The following PRC1 variants were observed in gnomAD, a reference collection of about 807,000 sequenced individuals.
PRC1 encodes protein regulator of cytokinesis 1, also known as anaphase spindle elongation 1 homolog.
PRC1 carries 54 observed loss-of-function variants against 91.2 expected under a neutral mutation model. That is an observed-to-expected ratio of 0.59 (90% CI 0.48 to 0.74). PRC1 has a LOEUF of 0.74. Ranked by LOEUF, PRC1 falls within the 30% of genes least tolerant of loss-of-function variation. The pLI is 0.00. For missense variants in PRC1, 727 were observed against 746.2 expected, an observed-to-expected ratio of 0.97 and a Z score of 0.30; for synonymous variants, 275 against 263.6, an observed-to-expected ratio of 1.04 and a Z score of -0.42.
chr15:90,991,023 C>T (rs1442105191), intron 1 of PRC1, among the ~76,000 whole-genome samples: 2 of 151,816 alleles, frequency 1.3e-5, no homozygotes, highest in Non-Finnish European at 2.9e-5. Flanking sequence ...GTGATCCGAC[C>T]GCCTCGGCCT....
intron 8 of PRC1, 83 bp from the exon 9 acceptor site, chr15:90,976,854 G>C: frequency 8.2e-7 from 1 of 1,220,684 alleles, no homozygotes; most frequent in South Asian, 1.3e-5. Flanking sequence ...GTTCTCGCCA[G>C]GCGTGGTGAC....
intron 11 of PRC1, among the ~76,000 whole-genome samples, chr15:90,972,193 A>T (rs1417344893): frequency 1.4e-5 from 2 of 146,536 alleles, no homozygotes; most frequent in Non-Finnish European, 3.0e-5. Context: ...CTCAAAAAAA[A>T]AAAAAAAAAA....
Position 90,974,448 on chromosome 15 carries a change from C to T in PRC1, c.1350+137G>A, listed in dbSNP as rs2038483154. ...TCCCCGGCTCCCCGTTCCACAAGCC[C>T]CGGTCCCCGGCTTCCCGTTCCACAA... On this transcript the variant is annotated intron_variant, in intron 10 of 14. Transcript: ENST00000394249. The surrounding 1 kb of genome is among the most constrained non-coding windows in gnomAD (Gnocchi z 4.6). 7.4e-7 allele frequency: 1 copy of T among 1,343,304 alleles called. No homozygotes were observed. The highest frequency in any genetic ancestry group is 2.0e-5 in the Admixed American group (1 of 49,906). 83.2% of individuals were successfully genotyped at this position (1,343,304 alleles called of 1,614,324 possible).
intron 3 of PRC1, 195 bp from the exon 4 acceptor site, chr15:90,982,176 G>A (rs1436742972): frequency 5.0e-6 from 3 of 597,508 alleles, no homozygotes; most frequent in Non-Finnish European, 8.9e-6. Flanking sequence ...TAAGTACCAG[G>A]GTACTTTTCC....
chr15:90,984,182 G>A lies in PRC1; in HGVS notation c.145-42C>T. ...AGTCCATAAGTTTGGGGCAATGGAG[G>A]AAAAAAACTCCCAACACCAATACCA... On this transcript the variant is annotated intron_variant, in intron 2 of 14. Coordinates refer to ENST00000394249, the MANE Select transcript of PRC1 (RefSeq NM_003981.4). The surrounding 1 kb of genome is among the most constrained non-coding windows in gnomAD (Gnocchi z 5.1). The A allele has an allele frequency of 1.3e-6, 2 of 1,599,076 alleles. No homozygotes were observed. The highest frequency in any genetic ancestry group is 3.5e-5 in the Admixed American group (2 of 56,694).
chr15:90,976,771 T>C lies in PRC1; in HGVS notation c.1108A>G (p.Arg370Gly), dbSNP rs764495738. The stretch of plus-strand genomic sequence containing the variant: ...AATCGATTTGGATCTGAAGCTTTTC[T>C]CTGTGAAAAATACATTTTTAATTAG... ...ETWRLFLEFE[R>G]KASDPNRFTN... is the part of the protein sequence containing the mutation. Residue 370 changes from arginine (R) to glycine (G), a missense_variant and splice_region_variant, in exon 9 of 15, where the codon AGA becomes GGA. Physicochemically the swap from Arg to Gly is moderately radical, Grantham distance 125 (BLOSUM62 -2). Transcript: ENST00000394249. 6.2e-7 allele frequency: 1 copy of C among 1,608,604 alleles called. No homozygotes were observed. The highest frequency in any genetic ancestry group is 8.5e-7 in the Non-Finnish European group (1 of 1,175,774).
Position 90,979,296 on chromosome 15 carries a change from T to A in PRC1, c.971-2A>T. 1.9e-6 allele frequency: 3 copies of A among 1,611,580 alleles called. No individual in the cohort carries two copies. The highest frequency in any genetic ancestry group is 2.5e-6 in the Non-Finnish European group (3 of 1,179,264). ...GGAGCAGACTTTCTGTGTAGTCCTC[T>A]GCAAAATATAGGCCCAGTAGTTTAA... On this transcript the variant is annotated splice_acceptor_variant, in intron 7 of 14. Transcript: ENST00000394249. LOFTEE classifies it high-confidence loss of function.
intron 9 of PRC1, among the ~76,000 whole-genome samples, chr15:90,975,887 G>T (rs931088393): frequency 2.0e-5 from 3 of 152,108 alleles, no homozygotes; most frequent in African/African-American, 7.2e-5. Flanking sequence ...TCATACGACT[G>T]GGAGTGTTTA....
chr15:90,991,876 C>G (rs561150813), intron 1 of PRC1, among the ~76,000 whole-genome samples: 1 of 152,228 alleles, frequency 6.6e-6, no homozygotes, highest in African/African-American at 2.4e-5. Flanking sequence ...ATCTTCTACT[C>G]AGAACCCTCC....
intron 5 of PRC1, 52 bp downstream of exon 5, chr15:90,981,447 C>T (rs1248892478): frequency 3.4e-5 from 54 of 1,588,712 alleles, no homozygotes; most frequent in Non-Finnish European, 4.6e-5. Flanking sequence ...CAGTTTTGTT[C>T]AAACTGCTAT....
Position 90,974,465 on chromosome 15 carries a change from G to T in PRC1, c.1350+120C>A. On this transcript the variant is annotated intron_variant, in intron 10 of 14. Coordinates refer to ENST00000394249, the MANE Select transcript of PRC1 (RefSeq NM_003981.4). The surrounding 1 kb of genome is among the most constrained non-coding windows in gnomAD (Gnocchi z 4.6). ...CACAAGCCCCGGTCCCCGGCTTCCC[G>T]TTCCACAAGCCCCGGTCCCCGGCTC... 1 of 1,428,534 alleles carries T rather than the reference G, an allele frequency of 7.0e-7. No homozygotes were observed. The highest frequency in any genetic ancestry group is 1.8e-4 in the Middle Eastern group (1 of 5,466). The allele number at this position is 1,428,534 out of a possible 1,614,324, so 88.5% of individuals were successfully genotyped here.
rs1479312389 is a variant in PRC1, at chr15:90,994,393, C to G, written c.11+14G>C. 1 of 1,612,076 alleles carries G rather than the reference C, an allele frequency of 6.2e-7. No homozygotes were observed. Among genetic ancestry groups the G allele is most frequent in the Admixed American group, 1.7e-5 (1 of 59,858 alleles). ...CTCCCTCCCGCGTCCCCTCGATTTC[C>G]CCGCAACCCGCACCTTCTCCTCATG... On this transcript the variant is annotated intron_variant, in intron 1 of 14. Transcript: ENST00000394249.
At chr15:90,992,234 C>G (rs1261613063) in intron 1 of PRC1, among the ~76,000 whole-genome samples, 1 of 152,130 alleles carries the variant, frequency 6.6e-6, no homozygotes, top group Non-Finnish European at 1.5e-5. Context: ...CTCTTGATTT[C>G]TCTACATAGC....
chr15:90,969,999 CTG>C (rs2037964596), intron 12 of PRC1, among the ~76,000 whole-genome samples: 1 of 152,124 alleles, frequency 6.6e-6, no homozygotes, highest in Non-Finnish European at 1.5e-5. Flanking sequence ...ATTTGAAAGA[CTG>C]AATGTGTTTT....
In PRC1 at chr15:90,966,957, T is replaced by C. The variant is rs555430842; in HGVS notation, c.*174A>G. On this transcript the variant is annotated 3_prime_UTR_variant, in exon 15 of 15. Coordinates refer to ENST00000394249, the MANE Select transcript of PRC1 (RefSeq NM_003981.4). ...CCAAGTCTCCTAGGACCACTAAACC[T>C]ATGATGGGCTTTCAACTGTAACACT... 22 of 630,058 alleles carry C rather than the reference T, an allele frequency of 3.5e-5. 1 individual carries two copies. The highest frequency in any genetic ancestry group is 2.6e-4 in the African/African-American group (14 of 54,440). 39.0% of individuals were successfully genotyped at this position (630,058 alleles called of 1,614,324 possible).
Position 90,979,231 on chromosome 15 carries a change from T to C in PRC1, c.1034A>G (p.Tyr345Cys), listed in dbSNP as rs778489462. The change falls in exon 8 of 15, where the codon TAT becomes TGT. Residue 345 changes from tyrosine (Y) to cysteine (C), a missense_variant. Coordinates refer to ENST00000394249, the MANE Select transcript of PRC1 (RefSeq NM_003981.4). ...DAEIVRLKNY[Y>C]EVHKELFEGV... ...TTCAAAGAGTTCCTTGTGAACTTCA[T>C]AGTAGTTTTTTAACCGCACAATCTC... 6.3e-5 allele frequency: 102 copies of C among 1,614,102 alleles called. No homozygotes were observed. Among genetic ancestry groups the C allele is most frequent in the Non-Finnish European group, 7.5e-5 (88 of 1,180,038 alleles).
At chr15:90,981,218 A>G in intron 5 of PRC1, 185 bp from the exon 6 acceptor site, 1 of 813,250 alleles carries the variant, frequency 1.2e-6, no homozygotes, top group South Asian at 2.0e-5. Context: ...CCCAAGAATT[A>G]GCATTCAAAT....
At position 90,994,490 on chromosome 15, in the gene PRC1, G is replaced by A. The variant is rs537798356; in HGVS notation, c.-73C>T. 3.5e-5 allele frequency: 54 copies of A among 1,541,128 alleles called. No individual in the cohort carries two copies. The African/African-American group carries it at 6.1e-4, about 17-fold the overall frequency. ...ACGGCCCCGAGAGCAACAACCACCC[G>A]CAAACACCGGCGATGTCACTCCGCG... On this transcript the variant is annotated 5_prime_UTR_variant, in exon 1 of 15. Transcript: ENST00000394249.
intron 7 of PRC1, 56 bp downstream of exon 7, chr15:90,980,186 A>T: frequency 6.7e-7 from 1 of 1,486,890 alleles, no homozygotes; most frequent in East Asian, 2.4e-5. Flanking sequence ...AGGCTGGGCA[A>T]CAGAGTAAGA....
Sources: gnomAD v4.1 joint callset for allele counts (sites outside exome capture counted in the v4.1 genomes callset) on GRCh38, gnomAD v4.1.1 for gene constraint, Gnocchi (gnomAD v3.1) non-coding constraint, MANE v1.5 for transcripts, NCBI Gene and HGNC (gene_info 2026-07-23, HGNC 2026-07-21) for gene names.